Variants in PTTG1 observed in about 807,000 individuals in gnomAD.
PTTG1 encodes PTTG1 regulator of sister chromatid separation, securin.
PTTG1 carries 8 observed loss-of-function variants against 20.0 expected under a neutral mutation model. The observed-to-expected ratio is 0.40, with a 90% confidence interval of 0.23 to 0.72. PTTG1 has a LOEUF of 0.72. Among genes scored for constraint, PTTG1 ranks in the 30% least tolerant of loss-of-function variants. The probability of loss-of-function intolerance (pLI) is 0.38; values close to 1 mark genes in which losing one functional copy is unlikely to be tolerated. For synonymous variants in PTTG1, 79 were observed against 87.2 expected, an observed-to-expected ratio of 0.91 and a Z score of 0.52; for missense variants, 197 against 236.0, an observed-to-expected ratio of 0.83 and a Z score of 1.08.
chr5:160,423,412 A>G (rs756387177), intron 3 of PTTG1, among the ~76,000 whole-genome samples: 3 of 152,236 alleles, frequency 2.0e-5, no homozygotes, highest in Admixed American at 6.5e-5. Flanking sequence ...CCCAGATGAG[A>G]GGACTTTGCT....
rs1301710249 is a variant in PTTG1, at chr5:160,422,266, C to T, written c.-11-36C>T. 8 of 1,512,428 alleles carry T rather than the reference C, an allele frequency of 5.3e-6. No homozygotes were observed. The South Asian group carries it at 7.9e-5, about 15-fold the overall frequency. 93.7% of individuals were successfully genotyped at this position (1,512,428 alleles called of 1,614,324 possible). ...GTTGCTATACCTTTGCTTCTCCCAC[C>T]TTCCCCAATATCTAATATGTATTTC... On this transcript the variant is annotated intron_variant, in intron 1 of 5. Transcript: ENST00000352433.
At chr5:160,425,982 T>A (rs1361451962) in intron 4 of PTTG1, among the ~76,000 whole-genome samples, 2 of 152,198 alleles carry the variant, frequency 1.3e-5, no homozygotes, top group East Asian at 3.8e-4. Context: ...TACAGAAAAA[T>A]CACTTTTTAA....
chr5:160,422,964 C>T, intron 3 of PTTG1, 71 bp downstream of exon 3: 3 of 1,492,406 alleles, frequency 2.0e-6, no homozygotes, highest in Non-Finnish European at 2.8e-6. Context: ...CTATTGGCAT[C>T]ATCCTACGTA....
intron 3 of PTTG1, among the ~76,000 whole-genome samples, 166 bp from the exon 4 acceptor site, chr5:160,424,071 A>G (rs1765765498): frequency 6.6e-6 from 1 of 152,186 alleles, no homozygotes; most frequent in Non-Finnish European, 1.5e-5. Flanking sequence ...GAGTCATGCT[A>G]CTCGAATTAC....
At chr5:160,424,971 A>G (rs994318163) in intron 4 of PTTG1, among the ~76,000 whole-genome samples, 3 of 152,142 alleles carry the variant, frequency 2.0e-5, no homozygotes, top group Non-Finnish European at 4.4e-5. Context: ...GCCAGAAAAA[A>G]CAGCATTGTA....
rs369481824 is a variant in PTTG1 at position 160,424,208 on chromosome 5, C to G, written c.277-29C>G. On this transcript the variant is annotated intron_variant, in intron 3 of 5. Coordinates refer to ENST00000352433, the MANE Select transcript of PTTG1 (RefSeq NM_004219.4). ...TCAGCTAATAAGACTTCCACTGTCA[C>G]TAACCCATATTTTCTTTGGCTGTTC... 3.5e-5 allele frequency: 54 copies of G among 1,523,790 alleles called. No homozygotes were observed. The African/African-American group carries it at 5.8e-4, about 16-fold the overall frequency. 94.4% of individuals were successfully genotyped at this position (1,523,790 alleles called of 1,614,324 possible). A position where few individuals can be genotyped will look rare whatever the true frequency, so the allele number is the denominator to read the frequency against.
intron 2 of PTTG1, 95 bp downstream of exon 2, chr5:160,422,498 C>A: frequency 1.7e-6 from 2 of 1,155,872 alleles, no homozygotes; most frequent in South Asian, 2.6e-5. Context: ...CAATTGGAGT[C>A]GTTTGTTATT....
At chr5:160,423,370 G>A (rs1441403283) in intron 3 of PTTG1, among the ~76,000 whole-genome samples, 1 of 152,216 alleles carries the variant, frequency 6.6e-6, no homozygotes, top group African/African-American at 2.4e-5. Flanking sequence ...ATCTTCGTGT[G>A]AGTGTGAGTC....
At chr5:160,428,366 TCTTA>T (rs1301197721) in intron 5 of PTTG1, among the ~76,000 whole-genome samples, 1 of 152,224 alleles carries the variant, frequency 6.6e-6, no homozygotes, top group Non-Finnish European at 1.5e-5. Flanking sequence ...GACTGTTAAC[TCTTA>T]CTTTGGTCTC....
rs763903983 is a variant in PTTG1, at chr5:160,428,616, C to T, written c.544C>T (p.Pro182Ser). 5.0e-6 allele frequency: 8 copies of T among 1,613,938 alleles called. No individual in the cohort carries two copies. In the African/African-American group the frequency reaches 6.7e-5, roughly 13 times the overall value. The change falls in exon 6 of 6, where the codon CCT (proline) becomes TCT (serine). Residue 182 changes from proline (P) to serine (S), a missense_variant. Physicochemically the swap from Pro to Ser is moderately conservative, Grantham distance 74 (BLOSUM62 -1). Transcript: ENST00000352433. ...PPWESNLLQS[P>S]SSILSTLDVE... ...CTGTTTTCTAGATCTGTTGCAGTCTCCTTCAAGCATTCTGTCGACCCTGGA... is the reference window on the plus strand; with the variant it reads ...CTGTTTTCTAGATCTGTTGCAGTCTTCTTCAAGCATTCTGTCGACCCTGGA...
chr5:160,422,274 A>G (rs775078009), intron 1 of PTTG1, 28 bp from the exon 2 acceptor site: 26 of 1,541,440 alleles, frequency 1.7e-5, no homozygotes, highest in South Asian at 2.2e-5. Flanking sequence ...ACCTTCCCCA[A>G]TATCTAATAT....
intron 4 of PTTG1, among the ~76,000 whole-genome samples, chr5:160,426,582 T>A (rs1351977244): frequency 3.9e-5 from 6 of 152,220 alleles, no homozygotes; most frequent in Non-Finnish European, 7.3e-5. Context: ...TATTCTTGCA[T>A]CTATCTTGCA....
intron 4 of PTTG1, among the ~76,000 whole-genome samples, chr5:160,426,755 T>G (rs1765815623): frequency 7.7e-6 from 1 of 130,066 alleles, no homozygotes; most frequent in Non-Finnish European, 1.5e-5. Context: ...CCAAAATTCC[T>G]TTTTTTGGCC....
Position 160,426,060 on chromosome 5 carries a change from AT to A in PTTG1, c.371-1646del, listed in dbSNP as rs1010034981. Among the ~76,000 whole-genome samples, 330 of 151,224 alleles carry A rather than the reference AT, an allele frequency of 2.2e-3. 2 individuals are homozygous for A. The highest frequency in any genetic ancestry group is 7.2e-3 in the African/African-American group (296 of 41,262). On this transcript the variant is annotated intron_variant, in intron 4 of 5. Transcript: ENST00000352433. ...ATGTTACCTAACACAATGGTTCTCC[AT>A]TTTTTTTTGTTTTGTTTTAAAGACC...
chr5:160,422,545 T>A, intron 2 of PTTG1, 142 bp downstream of exon 2: 1 of 992,050 alleles, frequency 1.0e-6, no homozygotes, highest in Non-Finnish European at 1.6e-6. Context: ...ATGAGATGAT[T>A]TAAGGAAGTT....
chr5:160,422,222 A>G (rs1165290573), intron 1 of PTTG1, 80 bp from the exon 2 acceptor site: 1 of 1,019,556 alleles, frequency 9.8e-7, no homozygotes, highest in African/African-American at 1.6e-5. Context: ...GGACACTCCT[A>G]GGATAGAAAG....
intron 4 of PTTG1, among the ~76,000 whole-genome samples, chr5:160,426,191 G>C (rs1481131465): frequency 6.6e-6 from 1 of 152,012 alleles, no homozygotes; most frequent in Middle Eastern, 3.2e-3. Flanking sequence ...TATTCACTAA[G>C]TAATCACATT....
chr5:160,422,242 T>C, intron 1 of PTTG1, 60 bp from the exon 2 acceptor site: 1 of 1,253,384 alleles, frequency 8.0e-7, no homozygotes, highest in Admixed American at 1.7e-5. Flanking sequence ...GTTTGGTATG[T>C]TGCTATACCT....
At position 160,422,617 on chromosome 5, in the gene PTTG1, TG is replaced by T. The variant is rs774743809; in HGVS notation, c.92-87del. 5.9e-5 allele frequency: 86 copies of T among 1,459,788 alleles called. No individual in the cohort carries two copies. In the African/African-American group the frequency reaches 9.6e-4, roughly 16 times the overall value. The allele number at this position is 1,459,788 out of a possible 1,614,324, so 90.4% of individuals were successfully genotyped here. A position where few individuals can be genotyped will look rare whatever the true frequency, so the allele number is the denominator to read the frequency against. ...CACTACCAAAAGTGGGGGGTGGGTT[TG>T]GGGGTGAGAGGTCAAGTTTATATAC... On this transcript the variant is annotated intron_variant, in intron 2 of 5. Coordinates refer to ENST00000352433, the MANE Select transcript of PTTG1 (RefSeq NM_004219.4).
Sources: gnomAD v4.1 joint callset for allele counts (sites outside exome capture counted in the v4.1 genomes callset) on GRCh38, gnomAD v4.1.1 for gene constraint, MANE v1.5 for transcripts, NCBI Gene and HGNC (gene_info 2026-07-23, HGNC 2026-07-21) for gene names.